Variants in PAK2 observed in about 807,000 individuals in gnomAD.
PAK2 encodes p21 (RAC1) activated kinase 2.
In PAK2, 21 loss-of-function variants were observed where a neutral mutation model predicts 65.9. The observed-to-expected ratio is 0.32, with a 90% CI of 0.23 to 0.46. The LOEUF (loss-of-function observed/expected upper bound fraction) is 0.46, where lower values mean the gene tolerates loss of function less well. Ranked by LOEUF, PAK2 falls within the 20% of genes least tolerant of loss-of-function variation. The probability of loss-of-function intolerance (pLI) is 1.00; values close to 1 mark genes in which losing one functional copy is unlikely to be tolerated. For synonymous variants in PAK2, 204 were observed against 219.7 expected (o/e 0.93, Z 0.63); for missense variants, 324 against 642.6 (o/e 0.50, Z 5.36).
In PAK2 at chr3:196,810,579, GT is replaced by G; in HGVS notation, c.710-8del. 6.6e-7 allele frequency: 1 copy of G among 1,503,770 alleles called. No homozygotes were observed. Among genetic ancestry groups the G allele is most frequent in the Non-Finnish European group, 9.2e-7 (1 of 1,084,062 alleles). 93.2% of individuals were successfully genotyped at this position (1,503,770 alleles called of 1,614,324 possible). A position where few individuals can be genotyped will look rare whatever the true frequency, so the allele number is the denominator to read the frequency against. The stretch of plus-strand genomic sequence containing the variant: ...TGCTTGACTGAGCTTCCAGCTTTTT[GT>G]TTATTCTAGGAACTATCGTGAGCAT... On this transcript the variant is annotated splice_polypyrimidine_tract_variant and intron_variant, in intron 7 of 14. Transcript: ENST00000327134.
At chr3:196,762,146 G>A (rs1239607226) in intron 1 of PAK2, among the ~76,000 whole-genome samples, 1 of 110,890 alleles carries the variant, frequency 9.0e-6, no homozygotes, top group African/African-American at 3.2e-5. Context: ...ATGGGCGCCC[G>A]GGCAGAGACG....
intron 1 of PAK2, among the ~76,000 whole-genome samples, chr3:196,779,704 ACT>A (rs781681089): frequency 2.3e-4 from 35 of 152,032 alleles, no homozygotes; most frequent in Admixed American, 3.9e-4. Context: ...ATGATGTCTC[ACT>A]CTGTTACCCA....
At chr3:196,757,355 G>A (rs773032326) in intron 1 of PAK2, among the ~76,000 whole-genome samples, 11 of 152,122 alleles carry the variant, frequency 7.2e-5, no homozygotes, top group Non-Finnish European at 1.5e-4. Context: ...GGCAATACTG[G>A]TTCTTTGAAG....
At chr3:196,765,324 AT>A (rs1714127777) in intron 1 of PAK2, among the ~76,000 whole-genome samples, 1 of 151,450 alleles carries the variant, frequency 6.6e-6, no homozygotes, top group South Asian at 2.1e-4. Flanking sequence ...ATTTTTTTGC[AT>A]TTTTAGTAGA....
intron 2 of PAK2, among the ~76,000 whole-genome samples, chr3:196,796,131 G>A (rs1293090750): frequency 2.0e-5 from 3 of 152,188 alleles, no homozygotes; most frequent in Non-Finnish European, 2.9e-5. Context: ...AGTTCCTGCC[G>A]TGCAGCCGGT....
intron 14 of PAK2, 73 bp downstream of exon 14, chr3:196,827,406 C>A: frequency 1.3e-6 from 2 of 1,546,522 alleles, no homozygotes; most frequent in Non-Finnish European, 1.7e-6. Context: ...TTTCCTAGGG[C>A]TAATAAGTAG....
At chr3:196,759,498 GTTT>G (rs71301221) in intron 1 of PAK2, among the ~76,000 whole-genome samples, 44 of 108,132 alleles carry the variant, frequency 4.1e-4, no homozygotes, top group Non-Finnish European at 5.2e-4. Flanking sequence ...GGTTTTTTTT[GTTT>G]TTTTTTTTTT....
At chr3:196,782,327 C>T (rs1285981623) in intron 1 of PAK2, among the ~76,000 whole-genome samples, 1 of 150,938 alleles carries the variant, frequency 6.6e-6, no homozygotes, top group African/African-American at 2.4e-5. Context: ...TTCATGTTGT[C>T]TGTCTTTCTA....
chr3:196,825,173 C>T (rs754428670), intron 13 of PAK2, among the ~76,000 whole-genome samples: 3 of 150,672 alleles, frequency 2.0e-5, no homozygotes, highest in Admixed American at 6.6e-5. Context: ...TGGTGAAACC[C>T]CACCTCTACT....
intron 1 of PAK2, among the ~76,000 whole-genome samples, chr3:196,776,190 G>A (rs73892972): frequency 0.016 from 2,395 of 152,278 alleles, 61 homozygotes; most frequent in African/African-American, 0.054. Context: ...GGGTCAAATT[G>A]CTCGTTACTT....
intron 13 of PAK2, among the ~76,000 whole-genome samples, chr3:196,823,690 C>G (rs1046739063): frequency 6.6e-6 from 1 of 151,504 alleles, no homozygotes; most frequent in Non-Finnish European, 1.5e-5. Context: ...GATGAAACCT[C>G]GTCTCTACTA....
chr3:196,763,828 C>G (rs1051995624), intron 1 of PAK2, among the ~76,000 whole-genome samples: 1 of 152,176 alleles, frequency 6.6e-6, no homozygotes, highest in Admixed American at 6.5e-5. Flanking sequence ...TGGCCAGGCT[C>G]TGTCACCCAG....
chr3:196,757,684 C>A (rs891939947), intron 1 of PAK2, among the ~76,000 whole-genome samples: 15 of 152,190 alleles, frequency 9.9e-5, no homozygotes, highest in African/African-American at 3.4e-4. Flanking sequence ...TTATTTCCCA[C>A]TGCTTGCCAG....
At chr3:196,772,903 GTAAA>G (rs997607208) in intron 1 of PAK2, among the ~76,000 whole-genome samples, 1 of 152,156 alleles carries the variant, frequency 6.6e-6, no homozygotes, top group African/African-American at 2.4e-5. Flanking sequence ...TATATAAAAA[GTAAA>G]TAAAAATGCT....
intron 2 of PAK2, among the ~76,000 whole-genome samples, chr3:196,794,439 C>A (rs922657963): frequency 2.0e-5 from 3 of 152,196 alleles, no homozygotes; most frequent in African/African-American, 7.2e-5. Flanking sequence ...CTGTAAGAAT[C>A]GGACTTCCGT....
At chr3:196,826,239 T>C (rs1711865221) in intron 13 of PAK2, among the ~76,000 whole-genome samples, 1 of 151,924 alleles carries the variant, frequency 6.6e-6, no homozygotes, top group Admixed American at 6.6e-5. Flanking sequence ...TGGCGCAATC[T>C]CGGCTCACTG....
intron 1 of PAK2, among the ~76,000 whole-genome samples, chr3:196,754,020 CT>C (rs1713692766): frequency 6.6e-6 from 1 of 152,064 alleles, no homozygotes; most frequent in Non-Finnish European, 1.5e-5. Context: ...AAAGTTTGCC[CT>C]TTTTTACCAC....
rs977532681 is a variant in PAK2, at chr3:196,829,672, A to G, written c.*1267A>G. 10 of 152,220 alleles carry G rather than the reference A, an allele frequency of 6.6e-5. No homozygotes were observed. Among genetic ancestry groups the G allele is most frequent in the South Asian group, 2.1e-4 (1 of 4,836 alleles). The allele number at this position is 152,220 out of a possible 1,614,324, so 9.4% of individuals were successfully genotyped here. ...GGTCGTCAGCAGTGTGGTATTATCT[A>G]TGAGAACTTGAGCGACAGAGTATTT... On this transcript the variant is annotated 3_prime_UTR_variant, in exon 15 of 15. Transcript: ENST00000327134.
chr3:196,783,267 A>C (rs1714769159), intron 2 of PAK2, among the ~76,000 whole-genome samples: 2 of 152,174 alleles, frequency 1.3e-5, no homozygotes, highest in South Asian at 4.1e-4. Context: ...ATGCCCTCAG[A>C]AGTGTCGGAG....
Sources: gnomAD v4.1 joint callset for allele counts (sites outside exome capture counted in the v4.1 genomes callset) on GRCh38, gnomAD v4.1.1 for gene constraint, MANE v1.5 for transcripts, NCBI Gene and HGNC (gene_info 2026-07-23, HGNC 2026-07-21) for gene names.